Variants in FLT1 observed in about 807,000 individuals in gnomAD.
FLT1 encodes the protein fms related receptor tyrosine kinase 1.
FLT1 carries 49 observed loss-of-function variants against 156.3 expected under a neutral mutation model. The ratio of observed to expected loss-of-function variants is 0.31; its 90% confidence interval spans 0.25 to 0.40. The LOEUF (loss-of-function observed/expected upper bound fraction) is 0.40. Ranked by LOEUF, FLT1 falls within the 10% of genes least tolerant of loss-of-function variation. The pLI is 1.00. For missense variants in FLT1, 1,322 were observed against 1,637.2 expected, an observed-to-expected ratio of 0.81 and a Z score of 3.32; for synonymous variants, 594 against 583.8, an observed-to-expected ratio of 1.02 and a Z score of -0.25.
chr13:28,344,141 A>G (rs1872467425), intron 16 of FLT1, among the ~76,000 whole-genome samples: 1 of 151,410 alleles, frequency 6.6e-6, no homozygotes, highest in Non-Finnish European at 1.5e-5. Flanking sequence ...AAGGCTTCCC[A>G]TTGCTTTTAG....
intron 18 of FLT1, among the ~76,000 whole-genome samples, chr13:28,331,566 G>A (rs1051746638): frequency 7.9e-5 from 12 of 152,174 alleles, no homozygotes; most frequent in African/African-American, 2.9e-4. Context: ...AAGTAGCTGG[G>A]ACTACAGGTG....
chr13:28,459,895 C>T (rs1052386014), intron 3 of FLT1, among the ~76,000 whole-genome samples: 3 of 152,238 alleles, frequency 2.0e-5, no homozygotes, highest in Non-Finnish European at 2.9e-5. Flanking sequence ...CACCTTCTTT[C>T]GGTCTGGGGA....
intron 3 of FLT1, among the ~76,000 whole-genome samples, chr13:28,446,074 T>G (rs1276882469): frequency 6.6e-6 from 1 of 152,182 alleles, no homozygotes. Context: ...TATCTTAAAA[T>G]GGCAGAAGAA....
intron 19 of FLT1, 120 bp downstream of exon 19, chr13:28,329,495 G>T: frequency 1.4e-6 from 1 of 733,704 alleles, no homozygotes. Context: ...GAGCTATTAG[G>T]GAGGCCGTTT....
chr13:28,343,653 T>G (rs1401638216), intron 16 of FLT1, among the ~76,000 whole-genome samples: 1 of 151,340 alleles, frequency 6.6e-6, no homozygotes, highest in Non-Finnish European at 1.5e-5. Flanking sequence ...TTCTTTTTTT[T>G]TTTTTCTGAG....
rs77852450 is a variant in FLT1 at position 28,431,852 on chromosome 13, T to C, written c.814-542A>G. On this transcript the variant is annotated intron_variant, in intron 6 of 29. Coordinates refer to ENST00000282397, the MANE Select transcript of FLT1 (RefSeq NM_002019.4). Reference sequence around the variant, plus strand: ...AGTTTCCTTTTTTGTCCCTACGAGATATGAAGGAAAATATAATGAGTCTTG... The same window carrying C: ...AGTTTCCTTTTTTGTCCCTACGAGACATGAAGGAAAATATAATGAGTCTTG... Among the ~76,000 whole-genome samples the C allele has an allele frequency of 5.4e-3, 827 of 152,234 alleles. 4 individuals carry two copies. Among genetic ancestry groups the C allele is most frequent in the African/African-American group, 0.019 (780 of 41,548 alleles).
intron 14 of FLT1, among the ~76,000 whole-genome samples, chr13:28,382,797 A>G (rs1315189383): frequency 1.3e-5 from 2 of 152,222 alleles, no homozygotes; most frequent in Non-Finnish European, 2.9e-5. Flanking sequence ...ATTTGATGTC[A>G]GTATAAGAGG....
intron 14 of FLT1, among the ~76,000 whole-genome samples, chr13:28,369,246 C>G (rs1335921940): frequency 2.0e-5 from 3 of 152,132 alleles, no homozygotes; most frequent in Non-Finnish European, 2.9e-5. Context: ...AAATGAAGGC[C>G]AGGCACGGTG....
intron 8 of FLT1, among the ~76,000 whole-genome samples, chr13:28,429,785 A>G (rs1877563329): frequency 6.6e-6 from 1 of 152,192 alleles, no homozygotes; most frequent in Admixed American, 6.5e-5. Flanking sequence ...GAAGGTTTAG[A>G]GATGCAGAAA....
chr13:28,354,034 C>T (rs1342613485), intron 15 of FLT1, among the ~76,000 whole-genome samples: 1 of 152,162 alleles, frequency 6.6e-6, no homozygotes, highest in African/African-American at 2.4e-5. Flanking sequence ...ATTTCCTAAA[C>T]TCAATTTGAC....
In FLT1 at chr13:28,426,807, T is replaced by A. The variant is rs929018606; in HGVS notation, c.1436+352A>T. On this transcript the variant is annotated intron_variant, in intron 10 of 29. Transcript: ENST00000282397. The stretch of plus-strand genomic sequence containing the variant: ...ACAAAATGAAAAATGGGAATGCTAA[T>A]GCAACTGACATAGTGGTATTGCCAA... 7.2e-5 allele frequency among the ~76,000 whole-genome samples: 11 copies of A among 152,182 alleles called. No homozygotes were observed. The East Asian group carries it at 2.1e-3, about 29-fold the overall frequency.
Position 28,467,040 on chromosome 13 carries a change from T to C in FLT1, c.251A>G (p.Asn84Ser). Residue 84 changes from asparagine (N) to serine (S), a missense_variant, in exon 3 of 30, where the codon AAT becomes AGT. Physicochemically the swap from Asn to Ser is conservative, Grantham distance 46. Transcript: ENST00000282397. ...LSITKSACGR[N>S]GKQFCSTLTL... The stretch of plus-strand genomic sequence containing the variant: ...TAAAGTACTGCAGAATTGTTTGCCA[T>C]TTCTTCCACAGGCAGATTTAGTTAT... 1.2e-6 allele frequency: 2 copies of C among 1,614,208 alleles called. No homozygotes were observed. The highest frequency in any genetic ancestry group is 1.7e-6 in the Non-Finnish European group (2 of 1,180,010).
chr13:28,441,340 C>T (rs1878324890), intron 3 of FLT1, among the ~76,000 whole-genome samples: 1 of 152,190 alleles, frequency 6.6e-6, no homozygotes, highest in Admixed American at 6.5e-5. Flanking sequence ...CTCCAGTTGC[C>T]TGCTTGGCCC....
intron 3 of FLT1, among the ~76,000 whole-genome samples, chr13:28,447,681 C>T (rs537666777): frequency 3.5e-4 from 53 of 152,056 alleles, no homozygotes; most frequent in Admixed American, 5.2e-4. Context: ...TGGGAGAAAA[C>T]ATTTGCAAAT....
chr13:28,490,417 T>C (rs569974650), intron 1 of FLT1, among the ~76,000 whole-genome samples: 3 of 152,356 alleles, frequency 2.0e-5, no homozygotes, highest in African/African-American at 7.2e-5. Flanking sequence ...AATGCAACTG[T>C]TTCCTTAATG....
chr13:28,325,384 G>A (rs1267136609), intron 20 of FLT1, among the ~76,000 whole-genome samples: 1 of 152,196 alleles, frequency 6.6e-6, no homozygotes, highest in Non-Finnish European at 1.5e-5. Flanking sequence ...GGAGTCAAGA[G>A]AGCTGAGTTC....
chr13:28,467,037 C>A lies in FLT1; in HGVS notation c.254G>T (p.Gly85Val). ...GGTTAAAGTACTGCAGAATTGTTTG[C>A]CATTTCTTCCACAGGCAGATTTAGT... ...SITKSACGRNGKQFCSTLTLN... is the reference protein window; with the variant it reads ...SITKSACGRNVKQFCSTLTLN... The change falls in exon 3 of 30, where the codon GGC (glycine) becomes GTC (valine). Residue 85 changes from glycine (G) to valine (V), a missense_variant. Around this residue, in one of 3 missense-constraint regions of FLT1, gnomAD observed 991 missense variants for 1,254.8 expected, o/e 0.79. Transcript: ENST00000282397. The A allele has an allele frequency of 1.2e-6, 2 of 1,614,108 alleles. No individual in the cohort carries two copies. The highest frequency in any genetic ancestry group is 1.7e-5 in the Admixed American group (1 of 60,028).
Position 28,303,290 on chromosome 13 carries a change from C to G in FLT1, c.3894G>C (p.Gly1298=). ...ACCTGCGCTTGCCTTCGCTGACGTG[C>G]CCACAGCTGGAATGGCAGAAACTGG... The part of the protein sequence containing the change: ...SRPSFCHSSC[G]HVSEGKRRFT... The change falls in exon 30 of 30, where the codon GGG becomes GGC. Residue 1298 remains glycine (G), a synonymous_variant. Coordinates refer to ENST00000282397, the MANE Select transcript of FLT1 (RefSeq NM_002019.4). The G allele has an allele frequency of 1.9e-6, 3 of 1,614,046 alleles. No homozygotes were observed. The highest frequency in any genetic ancestry group is 2.5e-6 in the Non-Finnish European group (3 of 1,180,014).
chr13:28,447,470 A>T (rs1196434697), intron 3 of FLT1, among the ~76,000 whole-genome samples: 6 of 152,084 alleles, frequency 3.9e-5, no homozygotes, highest in Non-Finnish European at 7.4e-5. Flanking sequence ...TGCAGGCATG[A>T]GCCACCACAC....
Sources: allele counts gnomAD v4.1 joint callset (sites outside exome capture counted in the v4.1 genomes callset), GRCh38; gene constraint gnomAD v4.1.1; regional missense constraint gnomAD v4.1.1; transcripts MANE v1.5; gene names NCBI Gene and HGNC (gene_info 2026-07-23, HGNC 2026-07-21).